The following UBL3 variants were observed in gnomAD, a reference collection of about 807,000 sequenced individuals.
UBL3 encodes ubiquitin like 3.
In UBL3, 6 loss-of-function variants were observed where a neutral mutation model predicts 18.4. That is an observed-to-expected ratio of 0.33 (90% confidence interval 0.18 to 0.64). The LOEUF (loss-of-function observed/expected upper bound fraction) is 0.64. Ranked by LOEUF, UBL3 falls within the 30% of genes least tolerant of loss-of-function variation. The pLI is 0.76. For synonymous variants in UBL3, 49 were observed against 46.6 expected, an observed-to-expected ratio of 1.05 and a Z score of -0.21; for missense variants, 109 against 142.9, an observed-to-expected ratio of 0.76 and a Z score of 1.21.
In UBL3 at chr13:29,837,152, A is replaced by T. The variant is rs192932228; in HGVS notation, c.27+12360T>A. ...ACGGAGAAACATAACCATAATTCAG[A>T]TTCTCTATAATTTTTCATCACAATG... On this transcript the variant is annotated intron_variant, in intron 1 of 4. Coordinates refer to ENST00000380680, the MANE Select transcript of UBL3 (RefSeq NM_007106.4). Among the ~76,000 whole-genome samples, 211 of 152,316 alleles carry T rather than the reference A, an allele frequency of 1.4e-3. 1 individual carries two copies. Among genetic ancestry groups the T allele is most frequent in the African/African-American group, 4.7e-3 (194 of 41,558 alleles).
Position 29,849,570 on chromosome 13 carries a change from GA to G in UBL3, c.-33del, listed in dbSNP as rs780932110. The G allele has an allele frequency of 4.3e-6, 7 of 1,612,468 alleles. No individual in the cohort carries two copies. Among genetic ancestry groups the G allele is most frequent in the Middle Eastern group, 3.3e-4 (2 of 6,084 alleles). Reference sequence around the variant, plus strand: ...GTTTGATATACACCCAGATGTTTACGAAAAAAACAAACAAAGAAAAAAGAGC... The same window carrying G: ...GTTTGATATACACCCAGATGTTTACGAAAAAACAAACAAAGAAAAAAGAGC... On this transcript the variant is annotated 5_prime_UTR_variant, in exon 1 of 5. Coordinates refer to ENST00000380680, the MANE Select transcript of UBL3 (RefSeq NM_007106.4).
chr13:29,795,776 A>AG (rs1415676014), intron 1 of UBL3, among the ~76,000 whole-genome samples: 31 of 150,114 alleles, frequency 2.1e-4, no homozygotes, highest in African/African-American at 5.1e-4. Context: ...AAAAAAAAAA[A>AG]AGAGAGAGAG....
intron 1 of UBL3, among the ~76,000 whole-genome samples, chr13:29,830,769 C>G (rs1878750616): frequency 6.6e-6 from 1 of 152,130 alleles, no homozygotes; most frequent in Non-Finnish European, 1.5e-5. Flanking sequence ...TAGATACAGG[C>G]ACAAGAATGG....
rs1189899324 is a variant in UBL3, at chr13:29,767,398, T to C, written c.302-91A>G. On this transcript the variant is annotated intron_variant, in intron 4 of 4. Coordinates refer to ENST00000380680, the MANE Select transcript of UBL3 (RefSeq NM_007106.4). ...CAATCAAGTGTAGGAAGTAGTAGTT[T>C]TGAGTTTTTAAAAATGTTTGCATTT... is the stretch of plus-strand genomic sequence containing the variant. The C allele has an allele frequency of 3.1e-5, 46 of 1,476,194 alleles. 1 individual carries two copies. The highest frequency in any genetic ancestry group is 9.2e-7 in the Non-Finnish European group (1 of 1,082,072). 91.4% of individuals were successfully genotyped at this position (1,476,194 alleles called of 1,614,324 possible).
chr13:29,823,056 A>C (rs1447255501), intron 1 of UBL3, among the ~76,000 whole-genome samples: 1 of 152,256 alleles, frequency 6.6e-6, no homozygotes, highest in Admixed American at 6.5e-5. Context: ...TTTCTATTTT[A>C]CAAGTTTTAC....
At chr13:29,835,095 TATATATATATAA>T (rs1878889702) in intron 1 of UBL3, among the ~76,000 whole-genome samples, 5 of 20,236 alleles carry the variant, frequency 2.5e-4, no homozygotes, top group South Asian at 1.5e-3. Flanking sequence ...TATAAATATA[TATATATATATAA>T]ATATATATAT....
At chr13:29,820,857 T>C (rs1212733321) in intron 1 of UBL3, among the ~76,000 whole-genome samples, 1 of 152,202 alleles carries the variant, frequency 6.6e-6, no homozygotes, top group Non-Finnish European at 1.5e-5. Context: ...ATGAACTGCC[T>C]TATTTCTAAT....
chr13:29,812,868 A>T (rs1878133622), intron 1 of UBL3, among the ~76,000 whole-genome samples: 1 of 152,252 alleles, frequency 6.6e-6, no homozygotes, highest in South Asian at 2.1e-4. Context: ...TGTTGAAATT[A>T]TAATATTTTG....
intron 1 of UBL3, among the ~76,000 whole-genome samples, chr13:29,796,049 A>T (rs957050900): frequency 1.2e-4 from 18 of 152,180 alleles, no homozygotes; most frequent in Middle Eastern, 3.4e-3. Context: ...AGAGAACAGA[A>T]GATAAAACTT....
At chr13:29,801,890 T>G (rs1024441872) in intron 1 of UBL3, among the ~76,000 whole-genome samples, 1 of 152,098 alleles carries the variant, frequency 6.6e-6, no homozygotes, top group Non-Finnish European at 1.5e-5. Context: ...AAGAGGCAAG[T>G]GAAAGGCCCT....
At chr13:29,809,024 A>C (rs12868298) in intron 1 of UBL3, among the ~76,000 whole-genome samples, 15,484 of 152,152 alleles carry the variant, frequency 0.1, 962 homozygotes, top group African/African-American at 0.17. Flanking sequence ...AAACATCTCT[A>C]CAAGGTATTA....
intron 1 of UBL3, among the ~76,000 whole-genome samples, chr13:29,825,788 A>T (rs1005071473): frequency 3.3e-5 from 5 of 152,188 alleles, no homozygotes; most frequent in African/African-American, 1.2e-4. Context: ...TTCAAAGGGA[A>T]TGCTTCCAGT....
At chr13:29,819,808 T>G (rs554192931) in intron 1 of UBL3, among the ~76,000 whole-genome samples, 2 of 151,792 alleles carry the variant, frequency 1.3e-5, no homozygotes, top group Non-Finnish European at 2.9e-5. Flanking sequence ...GAATTAATGA[T>G]AAAGATTCAT....
chr13:29,826,362 C>A lies in UBL3; in HGVS notation c.27+23150G>T, dbSNP rs952877598. Among the ~76,000 whole-genome samples the A allele has an allele frequency of 5.9e-5, 9 of 152,232 alleles. No individual in the cohort carries two copies. The East Asian group carries it at 1.7e-3, about 29-fold the overall frequency. On this transcript the variant is annotated intron_variant, in intron 1 of 4. Coordinates refer to ENST00000380680, the MANE Select transcript of UBL3 (RefSeq NM_007106.4). ...TTGGTTGGTAAGCTATTAATCATTG[C>A]CTGAATTTCAGAGCCTGTTATTGGT...
Position 29,816,754 on chromosome 13 carries a change from C to CAAAAAAAAAAAAAAAAAA in UBL3, c.27+32740_27+32757dup, listed in dbSNP as rs57272367. Among the ~76,000 whole-genome samples, 2 of 42,622 alleles carry CAAAAAAAAAAAAAAAAAA rather than the reference C, an allele frequency of 4.7e-5. 1 individual carries two copies. The highest frequency in any genetic ancestry group is 1.1e-4 in the Non-Finnish European group (2 of 18,702). 28.0% of individuals were successfully genotyped at this position (42,622 alleles called of 152,430 possible). ...TGGGTGACTGAGCAAGACCCTGTCT[C>CAAAAAAAAAAAAAAAAAA]AAAAAAAAAAAAAAAAAAAAAAAAA... On this transcript the variant is annotated intron_variant, in intron 1 of 4. Transcript: ENST00000380680.
intron 1 of UBL3, among the ~76,000 whole-genome samples, chr13:29,829,816 C>G (rs181281824): frequency 6.6e-6 from 1 of 152,124 alleles, no homozygotes; most frequent in African/African-American, 2.4e-5. Context: ...TGTTCCTATT[C>G]GGCCATCTTG....
intron 1 of UBL3, among the ~76,000 whole-genome samples, chr13:29,807,749 C>A (rs1299821560): frequency 6.6e-6 from 1 of 151,930 alleles, no homozygotes; most frequent in African/African-American, 2.4e-5. Flanking sequence ...AAAAGGAATT[C>A]TGAAAAAGAG....
At chr13:29,839,885 C>CCACT (rs1445461616) in intron 1 of UBL3, among the ~76,000 whole-genome samples, 1 of 147,830 alleles carries the variant, frequency 6.8e-6, no homozygotes, top group African/African-American at 2.5e-5. Flanking sequence ...AGAGATGGAG[C>CCACT]CACTGCATTC....
intron 1 of UBL3, among the ~76,000 whole-genome samples, chr13:29,797,654 A>T (rs1481331905): frequency 6.6e-6 from 1 of 152,206 alleles, no homozygotes; most frequent in Non-Finnish European, 1.5e-5. Context: ...ACTACTGCAA[A>T]GATCAAATAA....
Sources: gnomAD v4.1 joint callset for allele counts (sites outside exome capture counted in the v4.1 genomes callset) on GRCh38, gnomAD v4.1.1 for gene constraint, MANE v1.5 for transcripts, NCBI Gene and HGNC (gene_info 2026-07-23, HGNC 2026-07-21) for gene names.